CLIC4: variants seen among roughly 807,000 people sequenced by gnomAD.
CLIC4 encodes the protein chloride intracellular channel protein 4.
In CLIC4, 13 loss-of-function variants were observed where a neutral mutation model predicts 24.6. The observed-to-expected ratio is 0.53, with a 90% confidence interval of 0.34 to 0.84. The LOEUF is 0.84. CLIC4 is among the 40% of genes least tolerant of loss of function. The probability of loss-of-function intolerance (pLI) is 0.01; values close to 1 mark genes in which losing one functional copy is unlikely to be tolerated. For missense variants in CLIC4, 227 were observed against 301.7 expected (o/e 0.75, Z 1.83); for synonymous variants, 104 against 111.3 (o/e 0.93, Z 0.41).
intron 1 of CLIC4, among the ~76,000 whole-genome samples, chr1:24,755,592 G>A (rs1349307105): frequency 3.3e-5 from 5 of 150,556 alleles, no homozygotes; most frequent in South Asian, 4.2e-4. Context: ...CTGGGTGACC[G>A]ACGGAGATCC....
chr1:24,780,299 G>A (rs1482479454), intron 1 of CLIC4, among the ~76,000 whole-genome samples: 1 of 152,168 alleles, frequency 6.6e-6, no homozygotes, highest in Non-Finnish European at 1.5e-5. Flanking sequence ...CTCAAACCAG[G>A]CACTTTGCCT....
At chr1:24,779,418 C>T (rs563597128) in intron 1 of CLIC4, among the ~76,000 whole-genome samples, 62 of 152,086 alleles carry the variant, frequency 4.1e-4, no homozygotes, top group East Asian at 1.9e-4. Flanking sequence ...TGCAGTGAGC[C>T]GTGATTGCGC....
intron 2 of CLIC4, among the ~76,000 whole-genome samples, chr1:24,800,458 T>C (rs1245958709): frequency 1.4e-5 from 2 of 139,190 alleles, no homozygotes; most frequent in Non-Finnish European, 3.1e-5. Context: ...GTCAGCCCCC[T>C]GCCCGGCCAG....
chr1:24,829,538 A>G (rs1005420354), intron 4 of CLIC4, among the ~76,000 whole-genome samples: 2 of 152,134 alleles, frequency 1.3e-5, no homozygotes, highest in African/African-American at 2.4e-5. Context: ...CAGATCTCCT[A>G]CTTTTTTTAA....
intron 4 of CLIC4, among the ~76,000 whole-genome samples, chr1:24,831,368 G>A (rs926356359): frequency 5.3e-5 from 8 of 152,026 alleles, no homozygotes; most frequent in African/African-American, 1.7e-4. Flanking sequence ...TTGCACTGAC[G>A]AATACTATGT....
intron 1 of CLIC4, among the ~76,000 whole-genome samples, chr1:24,774,778 GAA>G (rs934297579): frequency 1.3e-5 from 2 of 149,388 alleles, no homozygotes; most frequent in African/African-American, 2.5e-5. Flanking sequence ...GACCTTGTCT[GAA>G]AAAAAAAGGA....
intron 1 of CLIC4, among the ~76,000 whole-genome samples, chr1:24,749,946 A>T (rs910436153): frequency 2.0e-5 from 3 of 152,202 alleles, no homozygotes; most frequent in African/African-American, 7.2e-5. Flanking sequence ...AATATAAAAA[A>T]TTAGCTGGGT....
At chr1:24,818,349 C>T (rs998981948) in intron 3 of CLIC4, among the ~76,000 whole-genome samples, 1 of 151,950 alleles carries the variant, frequency 6.6e-6, no homozygotes, top group Non-Finnish European at 1.5e-5. Context: ...TGCAGTGGCA[C>T]AATCTTGGCT....
chr1:24,761,686 A>G (rs1638929459), intron 1 of CLIC4, among the ~76,000 whole-genome samples: 1 of 152,186 alleles, frequency 6.6e-6, no homozygotes, highest in South Asian at 2.1e-4. Flanking sequence ...GGCTCTGTGG[A>G]AAATGAATTT....
chr1:24,813,778 G>A (rs1048183175), intron 2 of CLIC4, among the ~76,000 whole-genome samples: 1 of 151,966 alleles, frequency 6.6e-6, no homozygotes, highest in Non-Finnish European at 1.5e-5. Context: ...GAGTGCAGTG[G>A]TGCGATCATG....
intron 4 of CLIC4, among the ~76,000 whole-genome samples, chr1:24,830,222 A>G (rs960365374): frequency 4.6e-5 from 7 of 152,232 alleles, no homozygotes; most frequent in Admixed American, 3.3e-4. Flanking sequence ...TAATCACATT[A>G]CATGACCTCT....
rs1053552997 is a variant in CLIC4, at chr1:24,840,812, G to T, written c.637G>T (p.Glu213Ter). ...ATATCGCAACTTTGATATTCCAAAA[G>T]AAATGACTGGCATCTGGAGATACCT... Reference protein sequence around the residue: ...KKYRNFDIPKEMTGIWRYLTN... With the variant: ...KKYRNFDIPK Residue 213 changes from glutamate (E) to a stop codon, truncating the protein, a stop_gained, in exon 6 of 6, where the codon GAA (glutamate) becomes TAA (stop). Transcript: ENST00000374379. LOFTEE classifies it high-confidence loss of function. 6.2e-7 allele frequency: 1 copy of T among 1,608,704 alleles called. No homozygotes were observed. Among genetic ancestry groups the T allele is most frequent in the Non-Finnish European group, 8.5e-7 (1 of 1,177,740 alleles).
chr1:24,756,775 C>T (rs2124084332), intron 1 of CLIC4, among the ~76,000 whole-genome samples: 1 of 152,148 alleles, frequency 6.6e-6, no homozygotes, highest in South Asian at 2.1e-4. Context: ...GGCTGGAGTG[C>T]AGTGGCGTGA....
At chr1:24,798,896 C>A (rs1571248960) in intron 2 of CLIC4, among the ~76,000 whole-genome samples, 1 of 152,390 alleles carries the variant, frequency 6.6e-6, no homozygotes, top group East Asian at 1.9e-4. Context: ...ATCCGCCAGC[C>A]TCGGCCTCCC....
chr1:24,801,829 C>T (rs1371519927), intron 2 of CLIC4, among the ~76,000 whole-genome samples: 1 of 152,146 alleles, frequency 6.6e-6, no homozygotes, highest in Non-Finnish European at 1.5e-5. Flanking sequence ...CAAGGAACCC[C>T]TTTAGTTATG....
chr1:24,787,733 G>A (rs1314096126), intron 1 of CLIC4, among the ~76,000 whole-genome samples: 1 of 147,460 alleles, frequency 6.8e-6, no homozygotes, highest in Non-Finnish European at 1.5e-5. Context: ...ATTTAGTACA[G>A]ATGGGGTTTC....
chr1:24,808,386 A>T lies in CLIC4; in HGVS notation c.183-5708A>T, dbSNP rs373900717. Among the ~76,000 whole-genome samples the T allele has an allele frequency of 2.6e-5, 4 of 152,172 alleles. No individual in the cohort carries two copies. In the South Asian group the frequency reaches 8.3e-4, roughly 31 times the overall value. ...ACAAATAGCCTCCCATATACTTTAA[A>T]TCATCTCTAGGTTATAATACCTAAT... is the stretch of plus-strand genomic sequence containing the variant. On this transcript the variant is annotated intron_variant, in intron 2 of 5. Coordinates refer to ENST00000374379, the MANE Select transcript of CLIC4 (RefSeq NM_013943.3).
At chr1:24,819,110 A>G (rs1052738462) in intron 3 of CLIC4, among the ~76,000 whole-genome samples, 5 of 152,110 alleles carry the variant, frequency 3.3e-5, no homozygotes, top group African/African-American at 1.2e-4. Context: ...CTGGTTAACA[A>G]TCTTGTGCTA....
chr1:24,792,782 C>T (rs1639354808), intron 1 of CLIC4, among the ~76,000 whole-genome samples: 1 of 152,110 alleles, frequency 6.6e-6, no homozygotes, highest in South Asian at 2.1e-4. Flanking sequence ...AGAAAATTTG[C>T]TAGAAAATTT....
Sources: allele counts gnomAD v4.1 joint callset (sites outside exome capture counted in the v4.1 genomes callset), GRCh38; gene constraint gnomAD v4.1.1; transcripts MANE v1.5; gene names NCBI Gene and HGNC (gene_info 2026-07-23, HGNC 2026-07-21).